The following SNW1 variants were observed in gnomAD, a reference collection of about 807,000 sequenced individuals.
SNW1 encodes SNW domain containing 1.
A neutral mutation model predicts 75.6 loss-of-function variants in SNW1; 9 were observed. The observed-to-expected ratio is 0.12, with a 90% CI of 0.07 to 0.21. The LOEUF is 0.21. Ranked by LOEUF, SNW1 falls within the 10% of genes least tolerant of loss-of-function variation. SNW1 has a pLI of 1.00. For synonymous variants in SNW1, 200 were observed against 219.1 expected (o/e 0.91, Z 0.77); for missense variants, 409 against 670.9 (o/e 0.61, Z 4.31).
chr14:77,724,122 G>A (rs1001390404), intron 10 of SNW1, among the ~76,000 whole-genome samples: 1 of 152,070 alleles, frequency 6.6e-6, no homozygotes, highest in East Asian at 1.9e-4. Flanking sequence ...GCAGTAAATC[G>A]GACAGACAGA....
chr14:77,734,017 T>C (rs2080649484), intron 8 of SNW1: 1 of 371,052 alleles, frequency 2.7e-6, no homozygotes, highest in Admixed American at 3.3e-5. Flanking sequence ...TCAACTCAAA[T>C]CAGACCAGTC....
chr14:77,750,026 T>G (rs1157613945), intron 3 of SNW1, among the ~76,000 whole-genome samples: 1 of 151,704 alleles, frequency 6.6e-6, no homozygotes, highest in Non-Finnish European at 1.5e-5. Context: ...CATAGGGATA[T>G]CCCACCTCTA....
intron 10 of SNW1, among the ~76,000 whole-genome samples, chr14:77,726,920 C>G (rs886256378): frequency 6.6e-6 from 1 of 152,092 alleles, no homozygotes; most frequent in Non-Finnish European, 1.5e-5. Flanking sequence ...AGAAATGCTA[C>G]AGATTTTTGT....
rs1318950629 is a variant in SNW1, at chr14:77,718,356, T to C, written c.1412+11A>G. 6.8e-6 allele frequency: 11 copies of C among 1,614,110 alleles called. No homozygotes were observed. Among genetic ancestry groups the C allele is most frequent in the Non-Finnish European group, 9.3e-6 (11 of 1,180,054 alleles). ...GTGTAAACACTGAAATTGAGTTGTA[T>C]GGCTTGGCACCTGTTGGTCTTTATT... is the stretch of plus-strand genomic sequence containing the variant. On this transcript the variant is annotated intron_variant, in intron 13 of 13. Coordinates refer to ENST00000261531, the MANE Select transcript of SNW1 (RefSeq NM_012245.3).
At chr14:77,750,236 A>C (rs960548200) in intron 3 of SNW1, among the ~76,000 whole-genome samples, 9 of 152,182 alleles carry the variant, frequency 5.9e-5, no homozygotes, top group Non-Finnish European at 2.9e-5. Context: ...AAAAAAGATT[A>C]GGCTTAGACA....
intron 2 of SNW1, 112 bp from the exon 3 acceptor site, chr14:77,751,592 T>C (rs2080807537): frequency 5.4e-6 from 4 of 745,058 alleles, no homozygotes; most frequent in Admixed American, 3.5e-5. Flanking sequence ...ATGCTAGAGA[T>C]ACAGCAGAGT....
Position 77,735,948 on chromosome 14 carries a change from G to A in SNW1, c.697C>T (p.Pro233Ser). Residue 233 changes from proline to serine, a missense_variant, in exon 7 of 14, where the codon CCT becomes TCT. By Grantham distance (74) the Pro-to-Ser change is moderately conservative. Coordinates refer to ENST00000261531, the MANE Select transcript of SNW1 (RefSeq NM_012245.3). Reference sequence around the variant, plus strand: ...ACAGCAAAGAATACCTTTCGGCTAGGAGAATGCATGACAGGCGCAGGAGGA... The same window carrying A: ...ACAGCAAAGAATACCTTTCGGCTAGAAGAATGCATGACAGGCGCAGGAGGA... ...PSPPAPVMHSPSRKMTVKEQQ... is the reference protein window; with the variant it reads ...PSPPAPVMHSSSRKMTVKEQQ... The A allele has an allele frequency of 6.2e-7, 1 of 1,613,658 alleles. No individual in the cohort carries two copies.
At chr14:77,760,605 A>T in intron 1 of SNW1, 1 of 701,742 alleles carries the variant, frequency 1.4e-6, no homozygotes, top group Non-Finnish European at 2.6e-6. Context: ...GGCGGTCACT[A>T]CTGTGGCTCA....
chr14:77,718,072 T>C lies in SNW1; in HGVS notation c.*16A>G, dbSNP rs774028505. 11 of 1,542,644 alleles carry C rather than the reference T, an allele frequency of 7.1e-6. No individual in the cohort carries two copies. Among genetic ancestry groups the C allele is most frequent in the Non-Finnish European group, 8.7e-6 (10 of 1,145,962 alleles). On this transcript the variant is annotated 3_prime_UTR_variant, in exon 14 of 14. Coordinates refer to ENST00000261531, the MANE Select transcript of SNW1 (RefSeq NM_012245.3). ...GGTTATGGGTAAGAGTTCATTCACT[T>C]TGGAGAGACCTGTGCCTATTCCTTC... is the stretch of plus-strand genomic sequence containing the variant.
At chr14:77,751,838 A>ACACAC (rs1555388675) in intron 2 of SNW1, among the ~76,000 whole-genome samples, 42 of 124,776 alleles carry the variant, frequency 3.4e-4, no homozygotes, top group Admixed American at 6.4e-4. Context: ...ACACACACAC[A>ACACAC]CACACACCAC....
chr14:77,754,062 G>T (rs906999395), intron 2 of SNW1, among the ~76,000 whole-genome samples: 1 of 150,570 alleles, frequency 6.6e-6, no homozygotes, highest in Non-Finnish European at 1.5e-5. Flanking sequence ...TATTTTTTTT[G>T]AGATGGAGTT....
At chr14:77,724,273 A>T (rs1159650622) in intron 10 of SNW1, among the ~76,000 whole-genome samples, 1 of 152,234 alleles carries the variant, frequency 6.6e-6, no homozygotes, top group Non-Finnish European at 1.5e-5. Context: ...GTAATAATCA[A>T]ATCAGGGTAA....
intron 12 of SNW1, among the ~76,000 whole-genome samples, chr14:77,719,448 C>A (rs1382972199): frequency 6.6e-6 from 1 of 151,982 alleles, no homozygotes; most frequent in Admixed American, 6.5e-5. Flanking sequence ...CCCGCTTGAC[C>A]CAACGTGATG....
Position 77,717,902 on chromosome 14 carries a change from T to TAA in SNW1, c.*184_*185dup. 1.8e-6 allele frequency: 1 copy of TAA among 565,704 alleles called. No individual in the cohort carries two copies. The highest frequency in any genetic ancestry group is 1.9e-5 in the African/African-American group (1 of 53,388). The allele number at this position is 565,704 out of a possible 1,614,324, so 35.0% of individuals were successfully genotyped here. On this transcript the variant is annotated 3_prime_UTR_variant, in exon 14 of 14. Coordinates refer to ENST00000261531, the MANE Select transcript of SNW1 (RefSeq NM_012245.3). The stretch of plus-strand genomic sequence containing the variant: ...AGAAGCACAAACACAACCCACTCTT[T>TAA]AAAAAAAACTAAATAATTCAAAGTA...
chr14:77,740,040 A>G lies in SNW1; in HGVS notation c.331-979T>C, dbSNP rs530785133. 6.6e-5 allele frequency among the ~76,000 whole-genome samples: 10 copies of G among 150,856 alleles called. No homozygotes were observed. The South Asian group carries it at 1.7e-3, about 26-fold the overall frequency. Reference sequence around the variant, plus strand: ...TCCCAGCTACTCGGGAGGCTGAGGCAGGAGAATGGCTTTAACCCGGGAGGA... The same window carrying G: ...TCCCAGCTACTCGGGAGGCTGAGGCGGGAGAATGGCTTTAACCCGGGAGGA... On this transcript the variant is annotated intron_variant, in intron 3 of 13. Coordinates refer to ENST00000261531, the MANE Select transcript of SNW1 (RefSeq NM_012245.3).
chr14:77,740,354 G>C (rs1365044014), intron 3 of SNW1, among the ~76,000 whole-genome samples: 4 of 151,788 alleles, frequency 2.6e-5, no homozygotes, highest in Admixed American at 1.3e-4. Flanking sequence ...ATATTAATAA[G>C]TCTATCATAC....
In SNW1 at chr14:77,720,751, T is replaced by C. The variant is rs551129634; in HGVS notation, c.1208A>G (p.Asn403Ser). The C allele has an allele frequency of 2.0e-5, 32 of 1,613,918 alleles. No individual in the cohort carries two copies. Among genetic ancestry groups the C allele is most frequent in the South Asian group, 9.9e-5 (9 of 91,068 alleles). The stretch of plus-strand genomic sequence containing the variant: ...GAGCCTTTGGTCATACTGAACTTCA[T>C]TGGAAGTCCGAGGATTAGGAACACC... ...ALGVPNPRTS[N>S]EVQYDQRLFN... The change falls in exon 12 of 14, where the codon AAT becomes AGT. Residue 403 changes from asparagine (N) to serine (S), a missense_variant. Physicochemically the swap from Asn to Ser is conservative, Grantham distance 46 (BLOSUM62 1). This residue lies in a region of SNW1 where 126 missense variants were observed against 167.6 expected (regional missense o/e 0.75). Transcript: ENST00000261531.
At chr14:77,734,797 A>G in intron 8 of SNW1, 150 bp downstream of exon 8, 1 of 648,226 alleles carries the variant, frequency 1.5e-6, no homozygotes, top group East Asian at 2.6e-5. Flanking sequence ...TTTCTATTAC[A>G]TTAAAAAAGT....
chr14:77,730,584 G>C lies in SNW1; in HGVS notation c.1033+404C>G, dbSNP rs1306442822. Reference sequence around the variant, plus strand: ...GAGAGAAAATACTGGCAGATTTAATGATGAGAAATGCATTGGAGCCTACAA... The same window carrying C: ...GAGAGAAAATACTGGCAGATTTAATCATGAGAAATGCATTGGAGCCTACAA... On this transcript the variant is annotated intron_variant, in intron 10 of 13. Transcript: ENST00000261531. 5.9e-5 allele frequency among the ~76,000 whole-genome samples: 9 copies of C among 152,128 alleles called. No individual in the cohort carries two copies. The East Asian group carries it at 1.7e-3, about 29-fold the overall frequency.
Sources: allele counts gnomAD v4.1 joint callset (sites outside exome capture counted in the v4.1 genomes callset), GRCh38; gene constraint gnomAD v4.1.1; regional missense constraint gnomAD v4.1.1; transcripts MANE v1.5; gene names NCBI Gene and HGNC (gene_info 2026-07-23, HGNC 2026-07-21).